CNTFR: variants seen among roughly 807,000 people sequenced by gnomAD.
CNTFR encodes ciliary neurotrophic factor receptor.
A neutral mutation model predicts 40.4 loss-of-function variants in CNTFR; 12 were observed. The observed-to-expected ratio is 0.30, with a 90% CI of 0.19 to 0.48. CNTFR has a LOEUF of 0.48. Among genes scored for constraint, CNTFR ranks in the 20% least tolerant of loss-of-function variants. The pLI is 0.99. For synonymous variants in CNTFR, 202 were observed against 209.6 expected (o/e 0.96, Z 0.31); for missense variants, 414 against 506.8 (o/e 0.82, Z 1.76).
At position 34,557,885 on chromosome 9, in the gene CNTFR, G is replaced by A. The variant is rs769005337; in HGVS notation, c.419C>T (p.Thr140Ile). ...TACTCACAGCACAGTCACATTGAAG[G>A]TGTTGGGAATGTAGGTGGGGGTGGG... ...HLPTPTYIPN[T>I]FNVTVLHGSK... Residue 140 changes from threonine (T) to isoleucine (I), a missense_variant, in exon 5 of 10, where the codon ACC (threonine) becomes ATC (isoleucine). By Grantham distance (89) the Thr-to-Ile change is moderately conservative. This residue lies in a region of CNTFR where 250 missense variants were observed against 269.5 expected (regional missense o/e 0.93). Transcript: ENST00000378980. This position sits in a 1 kb window ranked among gnomAD's most constrained non-coding sequence, Gnocchi z 4.2. 8.3e-6 allele frequency: 13 copies of A among 1,570,938 alleles called. No individual in the cohort carries two copies. The highest frequency in any genetic ancestry group is 1.0e-5 in the Non-Finnish European group (12 of 1,157,282).
rs571754473 is a variant in CNTFR at position 34,572,639 on chromosome 9, C to CA, written c.1-3659dup. On this transcript the variant is annotated intron_variant, in intron 2 of 9. Transcript: ENST00000378980. ...CCCACACAGGTAACACATTAAGAGT[C>CA]AAATTCTGGGGCCCCAACTTACTGC... Among the ~76,000 whole-genome samples, 13 of 152,306 alleles carry CA rather than the reference C, an allele frequency of 8.5e-5. No homozygotes were observed. The East Asian group carries it at 1.2e-3, about 14-fold the overall frequency.
intron 1 of CNTFR, among the ~76,000 whole-genome samples, chr9:34,584,539 A>G (rs1444453226): frequency 2.0e-5 from 3 of 152,222 alleles, no homozygotes; most frequent in African/African-American, 7.2e-5. Context: ...ACAGGCATTA[A>G]TAACCAATAC....
intron 2 of CNTFR, among the ~76,000 whole-genome samples, chr9:34,571,883 G>A (rs971217053): frequency 6.6e-6 from 1 of 152,038 alleles, no homozygotes; most frequent in Admixed American, 6.5e-5. Context: ...AGAAATAGAA[G>A]AGACGCAGGG....
intron 4 of CNTFR, among the ~76,000 whole-genome samples, chr9:34,563,109 C>T (rs535292394): frequency 2.7e-4 from 41 of 152,292 alleles, no homozygotes; most frequent in African/African-American, 6.3e-4. Context: ...GAATCCCAGA[C>T]GCTCAGACCC....
chr9:34,572,075 C>T (rs1253745578), intron 2 of CNTFR, among the ~76,000 whole-genome samples: 3 of 152,048 alleles, frequency 2.0e-5, no homozygotes, highest in Non-Finnish European at 4.4e-5. Context: ...GAGGCAAGAA[C>T]AGGGCCTTCC....
Position 34,552,664 on chromosome 9 carries a change from G to T in CNTFR, c.949+10C>A. 6.2e-7 allele frequency: 1 copy of T among 1,611,624 alleles called. No individual in the cohort carries two copies. On this transcript the variant is annotated intron_variant, in intron 8 of 9. Coordinates refer to ENST00000378980, the MANE Select transcript of CNTFR (RefSeq NM_147164.3). This position sits in a 1 kb window ranked among gnomAD's most constrained non-coding sequence, Gnocchi z 5.1. ...GCAAAGCCAGGAGGTAGGGGCGGGA[G>T]CAAGCTCACCCGCAGCCTGGGCCTC...
At position 34,568,483 on chromosome 9, in the gene CNTFR, G is replaced by A. The variant is rs1385119865; in HGVS notation, c.85+414C>T. 5.3e-5 allele frequency among the ~76,000 whole-genome samples: 8 copies of A among 152,028 alleles called. No homozygotes were observed. In the East Asian group the frequency reaches 5.8e-4, roughly 11 times the overall value. On this transcript the variant is annotated intron_variant, in intron 3 of 9. Coordinates refer to ENST00000378980, the MANE Select transcript of CNTFR (RefSeq NM_147164.3). Reference sequence around the variant, plus strand: ...TCCACCTTCTCTGTCCCCATCCTCCGTCTGGGATGAAGCTGAGGGTAGAAG... The same window carrying A: ...TCCACCTTCTCTGTCCCCATCCTCCATCTGGGATGAAGCTGAGGGTAGAAG...
intron 4 of CNTFR, 38 bp from the exon 5 acceptor site, chr9:34,558,022 G>T: frequency 7.0e-7 from 1 of 1,436,282 alleles, no homozygotes; most frequent in Non-Finnish European, 9.4e-7. Context: ...CATTCTTGGA[G>T]CTCCCAGTCC....
intron 1 of CNTFR, among the ~76,000 whole-genome samples, chr9:34,584,433 G>A (rs1041295147): frequency 6.6e-6 from 1 of 152,144 alleles, no homozygotes; most frequent in Non-Finnish European, 1.5e-5. Context: ...GTCTCTATCT[G>A]ACCAAGATGC....
At chr9:34,575,594 G>A (rs1291652384) in intron 2 of CNTFR, among the ~76,000 whole-genome samples, 2 of 151,860 alleles carry the variant, frequency 1.3e-5, no homozygotes, top group African/African-American at 2.4e-5. Flanking sequence ...CCCACCCCTG[G>A]CCCCATCACT....
At chr9:34,580,023 T>G (rs1355518150) in intron 2 of CNTFR, 5 of 152,104 alleles carry the variant, frequency 3.3e-5, no homozygotes, top group Admixed American at 2.6e-4. Context: ...CAGGAAGTCC[T>G]TCCTGCTGTC....
At chr9:34,586,542 G>C (rs534410063) in intron 1 of CNTFR, among the ~76,000 whole-genome samples, 1 of 152,086 alleles carries the variant, frequency 6.6e-6, no homozygotes, top group Non-Finnish European at 1.5e-5. Flanking sequence ...TGTATGGGGC[G>C]GGGGAGATGT....
intron 6 of CNTFR, 122 bp from the exon 7 acceptor site, chr9:34,556,540 G>C: frequency 1.1e-6 from 1 of 949,994 alleles, no homozygotes; most frequent in Non-Finnish European, 1.6e-6. Flanking sequence ...CATAGTCAGC[G>C]TGCCTCTTCT....
chr9:34,553,363 C>G (rs1825712380), intron 7 of CNTFR, among the ~76,000 whole-genome samples: 1 of 152,146 alleles, frequency 6.6e-6, no homozygotes, highest in East Asian at 1.9e-4. Flanking sequence ...GTGAGGTGAC[C>G]AAGTTACTTA....
chr9:34,559,576 T>C (rs967521634), intron 4 of CNTFR, among the ~76,000 whole-genome samples: 1 of 152,056 alleles, frequency 6.6e-6, no homozygotes, highest in Non-Finnish European at 1.5e-5. Flanking sequence ...GTGCCTTTAG[T>C]GTCTCTTCCC....
Position 34,552,395 on chromosome 9 carries a change from T to C in CNTFR, c.950-66A>G, listed in dbSNP as rs950532754. On this transcript the variant is annotated intron_variant, in intron 8 of 9. Transcript: ENST00000378980. The surrounding 1 kb of genome is among the most constrained non-coding windows in gnomAD (Gnocchi z 5.1). ...GGTCCCATCCAGATCTGGGGGCTCA[T>C]GAGACATACCATTCTGCTTCCTGCA... 3.5e-6 allele frequency: 5 copies of C among 1,447,512 alleles called. No individual in the cohort carries two copies. The African/African-American group carries it at 4.2e-5, about 12-fold the overall frequency. 89.7% of individuals were successfully genotyped at this position (1,447,512 alleles called of 1,614,324 possible).
Position 34,557,584 on chromosome 9 carries a change from A to G in CNTFR, c.546T>C (p.Ser182=). ...CATTGTGGCCCAGGGCATTGCTGAC[A>G]CTTATGGAGACCTTGTACTTGATGG... is the stretch of plus-strand genomic sequence containing the variant. ...FSTIKYKVSI[S]VSNALGHNAT... is the part of the protein sequence containing the mutation. The change falls in exon 6 of 10, where the codon AGT becomes AGC. Residue 182 remains serine, a synonymous_variant. Transcript: ENST00000378980. This position sits in a 1 kb window ranked among gnomAD's most constrained non-coding sequence, Gnocchi z 4.2. 6.2e-7 allele frequency: 1 copy of G among 1,614,190 alleles called. No homozygotes were observed.
Position 34,552,500 on chromosome 9 carries a change from A to AC in CNTFR, c.950-172dup, listed in dbSNP as rs1202338399. On this transcript the variant is annotated intron_variant, in intron 8 of 9. Coordinates refer to ENST00000378980, the MANE Select transcript of CNTFR (RefSeq NM_147164.3). The surrounding 1 kb of genome is among the most constrained non-coding windows in gnomAD (Gnocchi z 5.1). ...ATAACCCCTCCACCCAATGACCCCT[A>AC]CCAAGGATGTCCAGATAGCAAGGAC... 2.0e-5 allele frequency among the ~76,000 whole-genome samples: 3 copies of AC among 152,064 alleles called. No individual in the cohort carries two copies. Among genetic ancestry groups the AC allele is most frequent in the Non-Finnish European group, 4.4e-5 (3 of 68,006 alleles).
chr9:34,557,369 A>C lies in CNTFR; in HGVS notation c.604+157T>G, dbSNP rs919261934. Among the ~76,000 whole-genome samples, 1 of 152,176 alleles carries C rather than the reference A, an allele frequency of 6.6e-6. No individual in the cohort carries two copies. Among genetic ancestry groups the C allele is most frequent in the African/African-American group, 2.4e-5 (1 of 41,422 alleles). On this transcript the variant is annotated intron_variant, in intron 6 of 9. Transcript: ENST00000378980. The surrounding 1 kb of genome is among the most constrained non-coding windows in gnomAD (Gnocchi z 4.2). Reference sequence around the variant, plus strand: ...ACGTTCACAGGTGTATATGTCATGCATATATGTGCACATATATGTGCACTG... The same window carrying C: ...ACGTTCACAGGTGTATATGTCATGCCTATATGTGCACATATATGTGCACTG...
Sources: gnomAD v4.1 joint callset for allele counts (sites outside exome capture counted in the v4.1 genomes callset) on GRCh38, gnomAD v4.1.1 for gene constraint, gnomAD v4.1.1 regional missense constraint, Gnocchi (gnomAD v3.1) non-coding constraint, MANE v1.5 for transcripts, NCBI Gene and HGNC (gene_info 2026-07-23, HGNC 2026-07-21) for gene names.